DIAPH2: variants seen among roughly 807,000 people sequenced by gnomAD.
DIAPH2 encodes the protein protein diaphanous homolog 2.
In DIAPH2, 35 loss-of-function variants were observed where a neutral mutation model predicts 92.7. The observed-to-expected ratio is 0.38, with a 90% confidence interval of 0.29 to 0.50. The LOEUF (loss-of-function observed/expected upper bound fraction) is 0.50, where lower values mean the gene tolerates loss of function less well. Ranked by LOEUF, DIAPH2 falls within the 20% of genes least tolerant of loss-of-function variation. DIAPH2 has a pLI of 0.94. For synonymous variants in DIAPH2, 301 were observed against 280.4 expected, an observed-to-expected ratio of 1.07 and a Z score of -0.73; for missense variants, 701 against 819.5, an observed-to-expected ratio of 0.86 and a Z score of 1.77.
chrX:96,831,241 A>G (rs1434551288), intron 4 of DIAPH2, among the ~76,000 whole-genome samples: 1 of 111,392 alleles, frequency 9.0e-6, no homozygotes, highest in East Asian at 2.8e-4. Context: ...CTAACTTCCC[A>G]CTACAAAGTA....
intron 26 of DIAPH2, among the ~76,000 whole-genome samples, chrX:97,573,668 G>GTT (rs1258722467): frequency 1.1e-5 from 1 of 94,300 alleles, no homozygotes. Context: ...TTTTTTTTTT[G>GTT]TTTTTTTTTG....
chrX:97,145,662 C>A (rs1319464117), intron 22 of DIAPH2, among the ~76,000 whole-genome samples: 1 of 110,163 alleles, frequency 9.1e-6, no homozygotes, highest in South Asian at 3.8e-4. Flanking sequence ...GCCAAAAATC[C>A]TCTTCTTATA....
chrX:96,760,085 A>T (rs1019716162), intron 4 of DIAPH2, among the ~76,000 whole-genome samples: 3 of 111,343 alleles, frequency 2.7e-5, no homozygotes, highest in Non-Finnish European at 5.7e-5. Flanking sequence ...ACATATGAGC[A>T]CCTGAAATAT....
intron 26 of DIAPH2, among the ~76,000 whole-genome samples, chrX:97,485,373 A>C (rs1457964942): frequency 2.7e-5 from 3 of 111,756 alleles, no homozygotes; most frequent in Non-Finnish European, 5.6e-5. Context: ...AAGGATAATT[A>C]TATTTGCCCC....
At chrX:96,950,926 C>G (rs1489283401) in intron 15 of DIAPH2, among the ~76,000 whole-genome samples, 2 of 111,522 alleles carry the variant, frequency 1.8e-5, no homozygotes, top group African/African-American at 6.5e-5. Context: ...ATACTTAACC[C>G]TTCTGCCAGC....
chrX:96,991,742 G>A (rs1425518393), intron 17 of DIAPH2, among the ~76,000 whole-genome samples: 2 of 110,053 alleles, frequency 1.8e-5, no homozygotes, highest in African/African-American at 3.3e-5. Flanking sequence ...AGGTTAGCAC[G>A]TTATAAAAGC....
At chrX:97,131,240 A>G (rs915842376) in intron 21 of DIAPH2, among the ~76,000 whole-genome samples, 3 of 112,032 alleles carry the variant, frequency 2.7e-5, no homozygotes, top group Non-Finnish European at 3.8e-5. Context: ...CCTAAAATTT[A>G]TAATATTTAT....
At chrX:97,211,698 A>G (rs1402317208) in intron 22 of DIAPH2, among the ~76,000 whole-genome samples, 1 of 111,554 alleles carries the variant, frequency 9.0e-6, no homozygotes, top group African/African-American at 3.3e-5. Flanking sequence ...CCTTGATTCC[A>G]CACCAGAATT....
chrX:97,049,642 A>G (rs908459019), intron 17 of DIAPH2, among the ~76,000 whole-genome samples: 2 of 111,302 alleles, frequency 1.8e-5, no homozygotes, highest in Non-Finnish European at 3.8e-5. Context: ...TACATGTTCA[A>G]TGAATTGAAT....
intron 17 of DIAPH2, among the ~76,000 whole-genome samples, chrX:97,063,449 C>A (rs1197185245): frequency 8.9e-6 from 1 of 111,737 alleles, no homozygotes; most frequent in Non-Finnish European, 1.9e-5. Flanking sequence ...TCATTCAACC[C>A]CAATAAGGAT....
chrX:97,009,747 T>TG (rs2066211009), intron 17 of DIAPH2, among the ~76,000 whole-genome samples: 2 of 111,840 alleles, frequency 1.8e-5, no homozygotes, highest in Non-Finnish European at 3.8e-5. Context: ...GGGTCTGCAG[T>TG]GGGGGCTTTA....
intron 26 of DIAPH2, among the ~76,000 whole-genome samples, chrX:97,509,058 A>ATTG (rs1268791881): frequency 7.1e-5 from 3 of 42,339 alleles, no homozygotes; most frequent in Non-Finnish European, 1.8e-4. Context: ...TTTATTTATT[A>ATTG]TTTTTTGAGA....
intron 17 of DIAPH2, among the ~76,000 whole-genome samples, chrX:96,991,081 C>G (rs1187890190): frequency 9.1e-6 from 1 of 110,323 alleles, no homozygotes. Context: ...ATTTTATCTT[C>G]TCAATAATCC....
At chrX:97,419,785 A>C (rs904786794) in intron 25 of DIAPH2, among the ~76,000 whole-genome samples, 1 of 112,225 alleles carries the variant, frequency 8.9e-6, no homozygotes. Flanking sequence ...CCTACCTCCA[A>C]AGACATCTTT....
intron 4 of DIAPH2, among the ~76,000 whole-genome samples, chrX:96,782,218 C>T (rs1162860109): frequency 3.6e-5 from 4 of 112,617 alleles, no homozygotes; most frequent in African/African-American, 1.3e-4. Flanking sequence ...CTCATCTCAG[C>T]CTCCTGAGTA....
chrX:96,758,326 T>A (rs1469461972), intron 4 of DIAPH2, 68 bp downstream of exon 4: 29 of 928,880 alleles, frequency 3.1e-5, no homozygotes, highest in East Asian at 6.4e-5. Flanking sequence ...TGCTTAAAAA[T>A]AAACAAACCT....
chrX:97,295,690 C>T (rs189421469), intron 23 of DIAPH2, among the ~76,000 whole-genome samples: 1 of 110,368 alleles, frequency 9.1e-6, no homozygotes. Context: ...CTCTTAATCA[C>T]TGCATTCAGT....
intron 26 of DIAPH2, among the ~76,000 whole-genome samples, chrX:97,554,074 A>G (rs2147865082): frequency 9.0e-6 from 1 of 111,636 alleles, no homozygotes; most frequent in East Asian, 2.8e-4. Flanking sequence ...CATATTCTCC[A>G]GCCTCCGTTT....
intron 23 of DIAPH2, among the ~76,000 whole-genome samples, chrX:97,267,210 T>G (rs1007276422): frequency 1.8e-5 from 2 of 111,581 alleles, no homozygotes; most frequent in Non-Finnish European, 3.8e-5. Flanking sequence ...TTGAACACAT[T>G]AAGAATCTGC....
Sources: gnomAD v4.1 joint callset for allele counts (sites outside exome capture counted in the v4.1 genomes callset) on GRCh38, gnomAD v4.1.1 for gene constraint, MANE v1.5 for transcripts, NCBI Gene and HGNC (gene_info 2026-07-23, HGNC 2026-07-21) for gene names.